The following AGAP1 variants were observed in gnomAD, a reference collection of about 807,000 sequenced individuals.
AGAP1 encodes arf-GAP with GTPase, ANK repeat and PH domain-containing protein 1.
Under a neutral mutation model 105.3 loss-of-function variants are expected in AGAP1, and 29 were observed. The observed-to-expected ratio is 0.28, with a 90% CI of 0.21 to 0.38. The LOEUF is 0.38. Ranked by LOEUF, AGAP1 falls within the 10% of genes least tolerant of loss-of-function variation. The pLI is 1.00. For missense variants in AGAP1, 998 were observed against 1,165.1 expected, an observed-to-expected ratio of 0.86 and a Z score of 2.09; for synonymous variants, 509 against 485.9, an observed-to-expected ratio of 1.05 and a Z score of -0.63.
intron 16 of AGAP1, among the ~76,000 whole-genome samples, chr2:236,084,228 G>A (rs1005957497): frequency 1.3e-5 from 2 of 151,214 alleles, no homozygotes; most frequent in Admixed American, 1.3e-4. Flanking sequence ...AAGGGCGGGG[G>A]GGGGTCTCTG....
Position 236,104,677 on chromosome 2 carries a change from G to T in AGAP1, c.2115-15515G>T, listed in dbSNP as rs1184840960. Among the ~76,000 whole-genome samples the T allele has an allele frequency of 2.6e-5, 4 of 152,188 alleles. No individual in the cohort carries two copies. Among genetic ancestry groups the T allele is most frequent in the Non-Finnish European group, 5.9e-5 (4 of 68,036 alleles). On this transcript the variant is annotated intron_variant, in intron 16 of 17. Transcript: ENST00000304032. This position sits in a 1 kb window ranked among gnomAD's most constrained non-coding sequence, Gnocchi z 4.7. ...AGGCCAAGGTGGGTGGATCACAAGG[G>T]CAGGAGGTCAAGTCTAGCCTGGCCA...
intron 2 of AGAP1, 149 bp from the exon 3 acceptor site, chr2:235,717,408 A>G (rs1044961233): frequency 1.7e-6 from 1 of 583,704 alleles, no homozygotes; most frequent in African/African-American, 1.9e-5. Context: ...ACTCCAATGG[A>G]AGTATTGAAT....
At position 235,559,687 on chromosome 2, in the gene AGAP1, G is replaced by T. The variant is rs1944086751; in HGVS notation, c.163+64838G>T. ...TTTAACATTTTGGTGGGTATGATGT[G>T]GTATCTCAACTGTGGTTTTGATTTG... On this transcript the variant is annotated intron_variant, in intron 1 of 17. Coordinates refer to ENST00000304032, the MANE Select transcript of AGAP1 (RefSeq NM_001037131.3). This position sits in a 1 kb window ranked among gnomAD's most constrained non-coding sequence, Gnocchi z 5.7. 6.6e-6 allele frequency among the ~76,000 whole-genome samples: 1 copy of T among 151,330 alleles called. No individual in the cohort carries two copies. The highest frequency in any genetic ancestry group is 1.5e-5 in the Non-Finnish European group (1 of 67,926).
Position 235,864,099 on chromosome 2 carries a change from C to T in AGAP1, c.1051-19246C>T, listed in dbSNP as rs961798280. 1.3e-5 allele frequency among the ~76,000 whole-genome samples: 2 copies of T among 152,206 alleles called. No individual in the cohort carries two copies. Among genetic ancestry groups the T allele is most frequent in the Non-Finnish European group, 2.9e-5 (2 of 68,040 alleles). On this transcript the variant is annotated intron_variant, in intron 9 of 17. Transcript: ENST00000304032. This position sits in a 1 kb window ranked among gnomAD's most constrained non-coding sequence, Gnocchi z 5.0. ...GACTTGAATGCGCAAGCGGGCCGTT[C>T]CCACGTGATTTAATAAACAGTTGCT... is the stretch of plus-strand genomic sequence containing the variant.
chr2:236,108,135 C>T lies in AGAP1; in HGVS notation c.2115-12057C>T, dbSNP rs553911929. Among the ~76,000 whole-genome samples the T allele has an allele frequency of 3.0e-4, 46 of 152,346 alleles. No individual in the cohort carries two copies. In the South Asian group the frequency reaches 5.4e-3, roughly 18 times the overall value. On this transcript the variant is annotated intron_variant, in intron 16 of 17. Coordinates refer to ENST00000304032, the MANE Select transcript of AGAP1 (RefSeq NM_001037131.3). ...CTTTGTGGGCTGTGCTCCGTCCCTCCGCCTGACCCCCTAGCAACGCAGCTC... is the reference window on the plus strand; with the variant it reads ...CTTTGTGGGCTGTGCTCCGTCCCTCTGCCTGACCCCCTAGCAACGCAGCTC...
intron 1 of AGAP1, among the ~76,000 whole-genome samples, chr2:235,570,253 G>T (rs1471447258): frequency 6.6e-6 from 1 of 152,178 alleles, no homozygotes; most frequent in African/African-American, 2.4e-5. Context: ...GCAGTCCCCG[G>T]CTAGCGGCTG....
rs182323929 is a variant in AGAP1 at position 235,734,979 on chromosome 2, C to T, written c.311-5984C>T. On this transcript the variant is annotated intron_variant, in intron 3 of 17. Transcript: ENST00000304032. This position sits in a 1 kb window ranked among gnomAD's most constrained non-coding sequence, Gnocchi z 5.3. ...CGTCATAAGATGGGGTGAGGGCTAACGGAGATGATGTGGGAAAACAAGTGC... is the reference window on the plus strand; with the variant it reads ...CGTCATAAGATGGGGTGAGGGCTAATGGAGATGATGTGGGAAAACAAGTGC... 8.9e-5 allele frequency among the ~76,000 whole-genome samples: 11 copies of T among 122,978 alleles called. No individual in the cohort carries two copies. The highest frequency in any genetic ancestry group is 6.8e-4 in the Admixed American group (9 of 13,274). The allele number at this position is 122,978 out of a possible 152,430, so 80.7% of individuals were successfully genotyped here. A position where few individuals can be genotyped will look rare whatever the true frequency, so the allele number is the denominator to read the frequency against.
chr2:235,709,355 G>A, intron 2 of AGAP1, 118 bp downstream of exon 2: 1 of 1,217,806 alleles, frequency 8.2e-7, no homozygotes, highest in Non-Finnish European at 1.2e-6. Flanking sequence ...GTGTGACTCT[G>A]GGTGTGTTCC....
chr2:235,925,258 C>T (rs534532003), intron 11 of AGAP1, among the ~76,000 whole-genome samples: 2 of 152,328 alleles, frequency 1.3e-5, no homozygotes, highest in South Asian at 4.1e-4. Flanking sequence ...CTGGCTTTTA[C>T]AATCTCCTCC....
rs1332178479 is a variant in AGAP1, at chr2:236,105,986, A to G, written c.2115-14206A>G. Among the ~76,000 whole-genome samples the G allele has an allele frequency of 6.6e-6, 1 of 152,064 alleles. No individual in the cohort carries two copies. Among genetic ancestry groups the G allele is most frequent in the African/African-American group, 2.4e-5 (1 of 41,416 alleles). On this transcript the variant is annotated intron_variant, in intron 16 of 17. Coordinates refer to ENST00000304032, the MANE Select transcript of AGAP1 (RefSeq NM_001037131.3). This position sits in a 1 kb window ranked among gnomAD's most constrained non-coding sequence, Gnocchi z 4.2. ...TCACCTCCCAGAGGTCCTGTCACCA[A>G]ACACCATCACACAGGGGGTTAGGGC...
rs901034390 is a variant in AGAP1 at position 235,669,272 on chromosome 2, T to G, written c.164-39907T>G. Among the ~76,000 whole-genome samples the G allele has an allele frequency of 2.6e-5, 4 of 152,232 alleles. No individual in the cohort carries two copies. The East Asian group carries it at 7.7e-4, about 29-fold the overall frequency. On this transcript the variant is annotated intron_variant, in intron 1 of 17. Coordinates refer to ENST00000304032, the MANE Select transcript of AGAP1 (RefSeq NM_001037131.3). Reference sequence around the variant, plus strand: ...GGCGGTAACAGGTACCAAAGACTGTTTTTTAAACAAGTCACATGAGTTGCA... The same window carrying G: ...GGCGGTAACAGGTACCAAAGACTGTGTTTTAAACAAGTCACATGAGTTGCA...
At position 235,787,409 on chromosome 2, in the gene AGAP1, T is replaced by C. The variant is rs1485953609; in HGVS notation, c.674-10350T>C. 1.3e-5 allele frequency among the ~76,000 whole-genome samples: 2 copies of C among 152,182 alleles called. No homozygotes were observed. The highest frequency in any genetic ancestry group is 3.8e-4 in the East Asian group (2 of 5,198). On this transcript the variant is annotated intron_variant, in intron 6 of 17. Coordinates refer to ENST00000304032, the MANE Select transcript of AGAP1 (RefSeq NM_001037131.3). This position sits in a 1 kb window ranked among gnomAD's most constrained non-coding sequence, Gnocchi z 4.4. ...TTTCCCCCTTGCAGATTATTCCTTC[T>C]TTGTCTGCATCATAGACACACGCCT...
At chr2:235,991,027 C>T (rs1043911914) in intron 13 of AGAP1, among the ~76,000 whole-genome samples, 8 of 152,152 alleles carry the variant, frequency 5.3e-5, no homozygotes, top group Non-Finnish European at 8.8e-5. Context: ...TGGTCGGCAT[C>T]TTCCTGGCCA....
chr2:235,848,594 T>C (rs899016450), intron 9 of AGAP1, among the ~76,000 whole-genome samples: 2 of 152,224 alleles, frequency 1.3e-5, no homozygotes, highest in African/African-American at 4.8e-5. Flanking sequence ...TCGAGAATAA[T>C]ACTGGTAATT....
chr2:235,686,665 A>T (rs866383106), intron 1 of AGAP1, among the ~76,000 whole-genome samples: 34,535 of 75,936 alleles, frequency 0.45, 7,678 homozygotes, highest in African/African-American at 0.58. Context: ...ATATATATAT[A>T]TTTTTTTTTT....
At chr2:235,519,360 A>G (rs1400027581) in intron 1 of AGAP1, among the ~76,000 whole-genome samples, 1 of 152,116 alleles carries the variant, frequency 6.6e-6, no homozygotes, top group East Asian at 1.9e-4. Flanking sequence ...GTCATGAGCC[A>G]CCGCACATGG....
At position 235,994,312 on chromosome 2, in the gene AGAP1, G is replaced by A. The variant is rs752197086; in HGVS notation, c.1645+25689G>A. 1.3e-5 allele frequency among the ~76,000 whole-genome samples: 2 copies of A among 152,184 alleles called. No homozygotes were observed. The highest frequency in any genetic ancestry group is 2.4e-5 in the African/African-American group (1 of 41,440). On this transcript the variant is annotated intron_variant, in intron 13 of 17. Transcript: ENST00000304032. This position sits in a 1 kb window ranked among gnomAD's most constrained non-coding sequence, Gnocchi z 4.4. The stretch of plus-strand genomic sequence containing the variant: ...GTGCTTTTATGCCCTCCTGAAAGCT[G>A]GTTCCATTTAGGGGTGTTCCCTGTC...
In AGAP1 at chr2:235,738,543, TTTTC is replaced by T. The variant is rs545551935; in HGVS notation, c.311-2400_311-2397del. ...AACAGATTTCCTTTTCAAATGTTAT[TTTTC>T]TTTCTTTCTTTCTTTCTTTTTTTTT... On this transcript the variant is annotated intron_variant, in intron 3 of 17. Transcript: ENST00000304032. Among the ~76,000 whole-genome samples, 115 of 151,700 alleles carry T rather than the reference TTTTC, an allele frequency of 7.6e-4. 1 individual carries two copies. Among genetic ancestry groups the T allele is most frequent in the African/African-American group, 2.2e-3 (89 of 41,252 alleles).
intron 11 of AGAP1, among the ~76,000 whole-genome samples, chr2:235,910,729 C>A (rs1394789546): frequency 6.6e-6 from 1 of 152,166 alleles, no homozygotes; most frequent in African/African-American, 2.4e-5. Flanking sequence ...ACCAGCCTGT[C>A]CAACATGGTG....
Sources: gnomAD v4.1 joint callset for allele counts (sites outside exome capture counted in the v4.1 genomes callset) on GRCh38, gnomAD v4.1.1 for gene constraint, Gnocchi (gnomAD v3.1) non-coding constraint, MANE v1.5 for transcripts, NCBI Gene and HGNC (gene_info 2026-07-23, HGNC 2026-07-21) for gene names.